PHEX: variants seen among roughly 807,000 people sequenced by gnomAD.
PHEX encodes the protein phosphate regulating endopeptidase X-linked, also known as phosphate-regulating neutral endopeptidase PHEX.
PHEX carries 16 observed loss-of-function variants against 68.0 expected under a neutral mutation model. The ratio of observed to expected loss-of-function variants is 0.24; its 90% CI spans 0.16 to 0.36. The LOEUF (loss-of-function observed/expected upper bound fraction) is 0.36. PHEX is among the 10% of genes least tolerant of loss of function. PHEX has a pLI of 1.00. For synonymous variants in PHEX, 208 were observed against 205.1 expected, an observed-to-expected ratio of 1.01 and a Z score of -0.12; for missense variants, 480 against 575.5, an observed-to-expected ratio of 0.83 and a Z score of 1.70.
intron 11 of PHEX, among the ~76,000 whole-genome samples, chrX:22,119,779 T>C (rs1341840425): frequency 9.1e-6 from 1 of 109,297 alleles, no homozygotes; most frequent in Non-Finnish European, 1.9e-5. Flanking sequence ...TTTTTTTGGG[T>C]AGAGATGTGG....
At chrX:22,065,230 A>AAAAT (rs1374187118) in intron 3 of PHEX, among the ~76,000 whole-genome samples, 1 of 112,368 alleles carries the variant, frequency 8.9e-6, no homozygotes, top group Non-Finnish European at 1.9e-5. Context: ...ATGAACAGTT[A>AAAAT]AAATAGGTGT....
chrX:22,221,513 T>C lies in PHEX; in HGVS notation c.1769-100T>C, dbSNP rs751625132. On this transcript the variant is annotated intron_variant, in intron 17 of 21. Transcript: ENST00000379374. Reference sequence around the variant, plus strand: ...ATCTCAGGAAGAGTGTTCCCTGCTGTTATGACTGCTTTTTGAAGGCTTGTC... The same window carrying C: ...ATCTCAGGAAGAGTGTTCCCTGCTGCTATGACTGCTTTTTGAAGGCTTGTC... 65 of 716,119 alleles carry C rather than the reference T, an allele frequency of 9.1e-5. No individual in the cohort carries two copies. In the African/African-American group the frequency reaches 1.1e-3, roughly 12 times the overall value. 59.0% of individuals were successfully genotyped at this position (716,119 alleles called of 1,213,427 possible).
At chrX:22,197,903 T>A (rs1027008839) in intron 15 of PHEX, among the ~76,000 whole-genome samples, 2 of 109,443 alleles carry the variant, frequency 1.8e-5, no homozygotes, top group African/African-American at 6.6e-5. Flanking sequence ...TTACTTAACA[T>A]CTTTAAGCCT....
intron 6 of PHEX, among the ~76,000 whole-genome samples, chrX:22,092,624 C>T (rs1448440392): frequency 9.1e-6 from 1 of 110,479 alleles, no homozygotes; most frequent in African/African-American, 3.3e-5. Flanking sequence ...CTGCCCACCT[C>T]GGCCTCCCAA....
intron 20 of PHEX, among the ~76,000 whole-genome samples, chrX:22,238,414 CGCATTTCCCACA>C: frequency 8.9e-6 from 1 of 111,763 alleles, no homozygotes; most frequent in South Asian, 3.8e-4. Context: ...CCAGCTACTG[CGCATTTCCCACA>C]GTCTTCGCAA....
intron 12 of PHEX, among the ~76,000 whole-genome samples, chrX:22,152,048 A>C: frequency 8.9e-6 from 1 of 112,538 alleles, no homozygotes; most frequent in Non-Finnish European, 1.9e-5. Flanking sequence ...ATTTATAAAA[A>C]ATGAATAATT....
At chrX:22,234,233 A>G (rs1406568369) in intron 20 of PHEX, among the ~76,000 whole-genome samples, 2 of 112,218 alleles carry the variant, frequency 1.8e-5, no homozygotes, top group Non-Finnish European at 3.8e-5. Context: ...GTCGGCCCCT[A>G]CCGGGAGGTG....
At chrX:22,052,272 G>T (rs774903030) in intron 3 of PHEX, among the ~76,000 whole-genome samples, 1 of 112,295 alleles carries the variant, frequency 8.9e-6, no homozygotes, top group South Asian at 3.7e-4. Flanking sequence ...TGTTGCCCAG[G>T]CTGGAAGTGC....
intron 7 of PHEX, among the ~76,000 whole-genome samples, chrX:22,094,909 G>A (rs1313594515): frequency 8.9e-6 from 1 of 112,108 alleles, no homozygotes; most frequent in African/African-American, 3.2e-5. Context: ...TAGGCCAAGA[G>A]GGAATAAATG....
chrX:22,056,099 A>C (rs779755036), intron 3 of PHEX, among the ~76,000 whole-genome samples: 1 of 112,303 alleles, frequency 8.9e-6, no homozygotes, highest in African/African-American at 3.2e-5. Context: ...GAAGTTCACC[A>C]CTTCAAATAG....
rs758129694 is a variant in PHEX at position 22,245,216 on chromosome X, CTGTT to C, written c.2071-113_2071-110del. 127 of 588,655 alleles carry C rather than the reference CTGTT, an allele frequency of 2.2e-4. 1 individual carries two copies. In the South Asian group the frequency reaches 2.2e-3, roughly 10 times the overall value. 48.5% of individuals were successfully genotyped at this position (588,655 alleles called of 1,213,427 possible). A position where few individuals can be genotyped will look rare whatever the true frequency, so the allele number is the denominator to read the frequency against. The stretch of plus-strand genomic sequence containing the variant: ...GACGGTTTTATTTGATCTTCTAAAA[CTGTT>C]TGTCATCCATTGGTTCTAAAATTGT... On this transcript the variant is annotated intron_variant, in intron 20 of 21. Coordinates refer to ENST00000379374, the MANE Select transcript of PHEX (RefSeq NM_000444.6).
At chrX:22,247,329 A>T (rs1179888484) in intron 21 of PHEX, among the ~76,000 whole-genome samples, 1 of 112,292 alleles carries the variant, frequency 8.9e-6, no homozygotes, top group Non-Finnish European at 1.9e-5. Flanking sequence ...ACCAAACAGT[A>T]CATACCATGG....
In PHEX at chrX:22,248,175, C is replaced by T. The variant is rs748724335; in HGVS notation, c.*222C>T. The stretch of plus-strand genomic sequence containing the variant: ...AACTAAGTATGTTTCTTTAGAAAAT[C>T]AAACCAACAAAAATAAATCCCTAGG... On this transcript the variant is annotated 3_prime_UTR_variant, in exon 22 of 22. Coordinates refer to ENST00000379374, the MANE Select transcript of PHEX (RefSeq NM_000444.6). 2.4e-6 allele frequency: 1 copy of T among 410,975 alleles called. No homozygotes were observed. Among genetic ancestry groups the T allele is most frequent in the East Asian group, 4.1e-5 (1 of 24,638 alleles). 33.9% of individuals were successfully genotyped at this position (410,975 alleles called of 1,213,427 possible). A position where few individuals can be genotyped will look rare whatever the true frequency, so the allele number is the denominator to read the frequency against.
At chrX:22,100,367 G>A (rs1930359536) in intron 9 of PHEX, among the ~76,000 whole-genome samples, 2 of 111,683 alleles carry the variant, frequency 1.8e-5, no homozygotes, top group South Asian at 7.5e-4. Context: ...GAGGGGAAGG[G>A]GATCACTGTA....
At chrX:22,231,392 G>C (rs1475975917) in intron 20 of PHEX, among the ~76,000 whole-genome samples, 1 of 111,649 alleles carries the variant, frequency 9.0e-6, no homozygotes, top group Non-Finnish European at 1.9e-5. Context: ...CTGTGAATCT[G>C]TCTGGTCCTC....
At chrX:22,062,548 T>G (rs1928417652) in intron 3 of PHEX, among the ~76,000 whole-genome samples, 1 of 111,497 alleles carries the variant, frequency 9.0e-6, no homozygotes. Flanking sequence ...TATCTTAAAC[T>G]TGCAACCCTT....
chrX:22,073,829 G>A (rs1162475538), intron 3 of PHEX, among the ~76,000 whole-genome samples: 1 of 109,288 alleles, frequency 9.2e-6, no homozygotes, highest in Non-Finnish European at 1.9e-5. Context: ...TAGTAGAGGT[G>A]GGGTTTCACC....
chrX:22,046,352 C>T (rs1318944007), intron 2 of PHEX, among the ~76,000 whole-genome samples: 1 of 111,908 alleles, frequency 8.9e-6, no homozygotes, highest in African/African-American at 3.2e-5. Flanking sequence ...AGTCCAAATT[C>T]CAGGCAGGGG....
chrX:22,108,959 A>AT (rs397697099), intron 9 of PHEX, among the ~76,000 whole-genome samples: 1 of 109,895 alleles, frequency 9.1e-6, no homozygotes, highest in Admixed American at 9.8e-5. Flanking sequence ...AAAAAAAAAA[A>AT]TCTTGAGCGG....
Sources: gnomAD v4.1 joint callset for allele counts (sites outside exome capture counted in the v4.1 genomes callset) on GRCh38, gnomAD v4.1.1 for gene constraint, MANE v1.5 for transcripts, NCBI Gene and HGNC (gene_info 2026-07-23, HGNC 2026-07-21) for gene names.